LARP4B: variants seen among roughly 807,000 people sequenced by gnomAD.
LARP4B encodes the protein la-related protein 4B.
Under a neutral mutation model 89.8 loss-of-function variants are expected in LARP4B, and 12 were observed. That is an observed-to-expected ratio of 0.13 (90% confidence interval 0.09 to 0.22). LARP4B has a LOEUF of 0.22. Ranked by LOEUF, LARP4B falls within the 10% of genes least tolerant of loss-of-function variation. The probability of loss-of-function intolerance (pLI) is 1.00; values close to 1 mark genes in which losing one functional copy is unlikely to be tolerated. For synonymous variants in LARP4B, 367 were observed against 363.3 expected (o/e 1.01, Z -0.12); for missense variants, 757 against 947.7 (o/e 0.80, Z 2.64).
the LARP4B span, among the ~76,000 whole-genome samples, chr10:968,601 C>A: frequency 6.6e-6 from 1 of 152,074 alleles, no homozygotes; most frequent in African/African-American, 2.4e-5. Context: ...TCCCACTTGG[C>A]TGTTGTCAAT....
At chr10:861,501 C>T (rs1226718933) in intron 5 of LARP4B, among the ~76,000 whole-genome samples, 1 of 152,026 alleles carries the variant, frequency 6.6e-6, no homozygotes, top group Non-Finnish European at 1.5e-5. Flanking sequence ...TCTTTTTCTT[C>T]TTTTTGAAAA....
chr10:956,831 C>G, the LARP4B span, among the ~76,000 whole-genome samples: 5 of 152,120 alleles, frequency 3.3e-5, no homozygotes, highest in Non-Finnish European at 7.3e-5. The surrounding 1 kb of genome is among the most constrained non-coding windows in gnomAD (Gnocchi z 4.3). Flanking sequence ...TGGCTTGGAG[C>G]TAGGCCTGGG....
chr10:984,571 C>T, the LARP4B span, among the ~76,000 whole-genome samples: 2 of 152,172 alleles, frequency 1.3e-5, no homozygotes, highest in African/African-American at 2.4e-5. Context: ...TCATGATCCA[C>T]GCACAGGAAC....
In LARP4B at chr10:829,028, C is replaced by T. The variant is rs185524984; in HGVS notation, c.1125+357G>A. Among the ~76,000 whole-genome samples the T allele has an allele frequency of 8.5e-5, 13 of 152,344 alleles. No homozygotes were observed. In the East Asian group the frequency reaches 2.3e-3, roughly 27 times the overall value. On this transcript the variant is annotated intron_variant, in intron 11 of 17. Transcript: ENST00000316157. ...GTAAAACAGCAGGCCTTCTCCTTGG[C>T]CTTGCTGTCAGAAGCCTATTAAACA...
rs529963345 is a variant in LARP4B at position 900,420 on chromosome 10, C to CTTTTTTTTTTTTTT, written c.-39-14674_-39-14661dup. On this transcript the variant is annotated intron_variant, in intron 1 of 17. Coordinates refer to ENST00000316157, the MANE Select transcript of LARP4B (RefSeq NM_015155.3). ...ATTCTAGGATCGGAAAGAAGGATGT[C>CTTTTTTTTTTTTTT]TTTTTTTTTTTTTTTTTTTTTTTTT... 9.9e-4 allele frequency among the ~76,000 whole-genome samples: 45 copies of CTTTTTTTTTTTTTT among 45,244 alleles called. 14 individuals carry two copies. Among genetic ancestry groups the CTTTTTTTTTTTTTT allele is most frequent in the East Asian group, 3.1e-3 (4 of 1,308 alleles). 29.7% of individuals were successfully genotyped at this position (45,244 alleles called of 152,430 possible). A position where few individuals can be genotyped will look rare whatever the true frequency, so the allele number is the denominator to read the frequency against.
chr10:895,838 GAA>G (rs1051398085), intron 1 of LARP4B, among the ~76,000 whole-genome samples: 2 of 152,036 alleles, frequency 1.3e-5, no homozygotes, highest in African/African-American at 4.8e-5. Context: ...GTAAAAACAA[GAA>G]ACTAGAAGAA....
At chr10:940,029 T>G in the LARP4B span, among the ~76,000 whole-genome samples, 3 of 143,728 alleles carry the variant, frequency 2.1e-5, no homozygotes, top group Non-Finnish European at 3.0e-5. Flanking sequence ...TTTTTTTTTT[T>G]TTTTTGAGAC....
chr10:866,725 T>G (rs536520358), intron 3 of LARP4B, among the ~76,000 whole-genome samples: 1 of 152,374 alleles, frequency 6.6e-6, no homozygotes, highest in African/African-American at 2.4e-5. Context: ...ATGCACATAC[T>G]ACACGTGCTT....
chr10:897,939 G>T (rs1316075205), intron 1 of LARP4B, among the ~76,000 whole-genome samples: 2 of 122,492 alleles, frequency 1.6e-5, no homozygotes, highest in African/African-American at 6.4e-5. Context: ...AGTGAGCCAA[G>T]ATCACGCCAC....
At chr10:938,768 A>G in the LARP4B span, among the ~76,000 whole-genome samples, 1 of 152,210 alleles carries the variant, frequency 6.6e-6, no homozygotes, top group African/African-American at 2.4e-5. Context: ...TAATTGGTAA[A>G]TCCGAGGGTA....
intron 3 of LARP4B, chr10:873,551 A>G (rs1189493393): frequency 2.9e-6 from 1 of 340,212 alleles, no homozygotes; most frequent in Non-Finnish European, 4.2e-6. Flanking sequence ...ACTAAATAAA[A>G]TAGTTCATAA....
At chr10:943,543 C>T in the LARP4B span, among the ~76,000 whole-genome samples, 1 of 152,170 alleles carries the variant, frequency 6.6e-6, no homozygotes, top group Non-Finnish European at 1.5e-5. Context: ...GATCCTCCCA[C>T]CTCATCCTTT....
intron 14 of LARP4B, chr10:820,301 T>C (rs1478600785): frequency 1.3e-5 from 2 of 153,448 alleles, no homozygotes; most frequent in Non-Finnish European, 2.9e-5. Context: ...CTATCACTTA[T>C]GTTTGGGTCT....
rs200225536 is a variant in LARP4B, at chr10:820,806, C to T, written c.1524G>A (p.Lys508=). 6.2e-7 allele frequency: 1 copy of T among 1,613,228 alleles called. No individual in the cohort carries two copies. The highest frequency in any genetic ancestry group is 1.7e-5 in the Admixed American group (1 of 60,002). Residue 508 remains lysine, a synonymous_variant, in exon 14 of 18, where the codon AAG becomes AAA. Transcript: ENST00000316157. The part of the protein sequence containing the change: ...SFGYRKKREE[K]FTSSQTQSPT... Reference sequence around the variant, plus strand: ...ATATGCTTTATGTACTCACTGTAAACTTCTCCTCCCTTTTCTTCCGGTAGC... The same window carrying T: ...ATATGCTTTATGTACTCACTGTAAATTTCTCCTCCCTTTTCTTCCGGTAGC...
chr10:896,780 G>A (rs1262019807), intron 1 of LARP4B, among the ~76,000 whole-genome samples: 3 of 152,228 alleles, frequency 2.0e-5, no homozygotes, highest in African/African-American at 7.2e-5. Context: ...CCAAAAGCTT[G>A]AGAACCACTC....
At chr10:917,253 C>G (rs1232675643) in intron 1 of LARP4B, among the ~76,000 whole-genome samples, 3 of 152,130 alleles carry the variant, frequency 2.0e-5, no homozygotes, top group Non-Finnish European at 2.9e-5. Context: ...TTCTTTCAAG[C>G]TTTTTATAGC....
intron 8 of LARP4B, among the ~76,000 whole-genome samples, chr10:832,553 C>T (rs1188690753): frequency 1.3e-5 from 2 of 152,154 alleles, no homozygotes; most frequent in Admixed American, 1.3e-4. Flanking sequence ...TTGCAATCAA[C>T]TTGCTTAAAA....
the LARP4B span, among the ~76,000 whole-genome samples, chr10:978,189 G>A: frequency 6.6e-6 from 1 of 152,130 alleles, no homozygotes; most frequent in East Asian, 1.9e-4. Flanking sequence ...ATGAATTTCT[G>A]CTCATTCCTT....
chr10:957,800 C>CTT, the LARP4B span, among the ~76,000 whole-genome samples: 29 of 125,074 alleles, frequency 2.3e-4, 1 homozygote, highest in Non-Finnish European at 3.7e-4. Flanking sequence ...CATTTTCTTT[C>CTT]TTTTTTTTTT....
Sources: gnomAD v4.1 joint callset for allele counts (sites outside exome capture counted in the v4.1 genomes callset) on GRCh38, gnomAD v4.1.1 for gene constraint, Gnocchi (gnomAD v3.1) non-coding constraint, MANE v1.5 for transcripts, NCBI Gene and HGNC (gene_info 2026-07-23, HGNC 2026-07-21) for gene names.